The following NAV3 variants were observed in gnomAD, a reference collection of about 807,000 sequenced individuals.
NAV3 encodes the protein neuron navigator 3, also known as pore membrane and/or filament interacting like protein 1.
In NAV3, 87 loss-of-function variants were observed where a neutral mutation model predicts 244.7. The observed-to-expected ratio is 0.36, with a 90% CI of 0.30 to 0.42. The LOEUF is 0.42. Among genes scored for constraint, NAV3 ranks in the 20% least tolerant of loss-of-function variants. The pLI is 1.00. For synonymous variants in NAV3, 1,126 were observed against 1,042.2 expected (o/e 1.08, Z -1.55); for missense variants, 2,663 against 2,893.3 (o/e 0.92, Z 1.83).
chr12:77,934,719 G>T (rs1355022416), intron 1 of NAV3, among the ~76,000 whole-genome samples: 2 of 152,126 alleles, frequency 1.3e-5, no homozygotes. Context: ...CACAATTCCT[G>T]TTATGTCTTA....
intron 2 of NAV3, among the ~76,000 whole-genome samples, chr12:77,740,825 A>G (rs983170073): frequency 1.3e-5 from 2 of 152,128 alleles, no homozygotes; most frequent in Non-Finnish European, 2.9e-5. Context: ...CATTTGTTCT[A>G]CTTGGGTGAT....
At chr12:77,954,710 A>T (rs1260103689) in intron 3 of NAV3, among the ~76,000 whole-genome samples, 1 of 152,200 alleles carries the variant, frequency 6.6e-6, no homozygotes, top group Non-Finnish European at 1.5e-5. Context: ...TAGGATTTTT[A>T]AAACTGCAAA....
intron 22 of NAV3, among the ~76,000 whole-genome samples, chr12:78,155,648 C>T (rs926318292): frequency 6.6e-6 from 1 of 152,066 alleles, no homozygotes; most frequent in African/African-American, 2.4e-5. Context: ...AAAAGCATTC[C>T]TTTTTCTCTG....
intron 8 of NAV3, among the ~76,000 whole-genome samples, chr12:78,014,524 G>C (rs534352170): frequency 7.9e-5 from 12 of 152,034 alleles, no homozygotes; most frequent in African/African-American, 2.9e-4. Flanking sequence ...ATAATATGCT[G>C]TACTTTATAC....
intron 2 of NAV3, among the ~76,000 whole-genome samples, chr12:77,672,107 A>G (rs1365339240): frequency 6.6e-6 from 1 of 152,226 alleles, no homozygotes; most frequent in Non-Finnish European, 1.5e-5. Flanking sequence ...ACATGAATAG[A>G]CAATTCTTAA....
chr12:77,770,243 T>C (rs1346542408), intron 2 of NAV3, among the ~76,000 whole-genome samples: 1 of 152,148 alleles, frequency 6.6e-6, no homozygotes, highest in East Asian at 1.9e-4. Flanking sequence ...GTAGGAGTGA[T>C]GGGTGAAATC....
At chr12:77,814,319 C>T (rs1872438151) in intron 2 of NAV3, among the ~76,000 whole-genome samples, 1 of 152,056 alleles carries the variant, frequency 6.6e-6, no homozygotes, top group Non-Finnish European at 1.5e-5. Flanking sequence ...ACAAATTTCA[C>T]AAGAATCATT....
At chr12:77,636,661 A>G (rs1305576323) in intron 2 of NAV3, among the ~76,000 whole-genome samples, 1 of 152,256 alleles carries the variant, frequency 6.6e-6, no homozygotes, top group East Asian at 1.9e-4. Context: ...TACCCAAAGG[A>G]TTATAAATCA....
chr12:78,165,968 C>CA (rs5799376), intron 23 of NAV3, among the ~76,000 whole-genome samples: 15,418 of 144,212 alleles, frequency 0.11, 1,163 homozygotes, highest in East Asian at 0.23. Context: ...CACCCTCCTG[C>CA]AAAAAAAAAA....
chr12:78,010,229 T>C (rs1356592112), intron 8 of NAV3, among the ~76,000 whole-genome samples: 1 of 152,208 alleles, frequency 6.6e-6, no homozygotes, highest in Admixed American at 6.5e-5. Context: ...AGCTTGTTTA[T>C]AGAGTCATGA....
chr12:77,719,733 AGTGATAATGACCT>A (rs1876525434), intron 2 of NAV3, among the ~76,000 whole-genome samples: 1 of 152,112 alleles, frequency 6.6e-6, no homozygotes. Flanking sequence ...GATATTATTC[AGTGATAATGACCT>A]GTAGTATTCT....
At chr12:78,076,556 G>A (rs535527544) in intron 12 of NAV3, among the ~76,000 whole-genome samples, 4 of 151,864 alleles carry the variant, frequency 2.6e-5, no homozygotes, top group Admixed American at 6.6e-5. Context: ...ATATTATTTC[G>A]AAAGTATTTA....
chr12:78,145,111 C>T lies in NAV3; in HGVS notation c.4684-1258C>T, dbSNP rs948601985. The stretch of plus-strand genomic sequence containing the variant: ...TTCAAAAACCAAACTGTGTATAAAA[C>T]CTTAAAATTATTAGGATCTAAAAAA... On this transcript the variant is annotated intron_variant, in intron 20 of 39. Coordinates refer to ENST00000397909, the MANE Select transcript of NAV3 (RefSeq NM_001024383.2). The T allele has an allele frequency of 1.1e-4, 30 of 271,878 alleles. No homozygotes were observed. The East Asian group carries it at 3.8e-3, about 35-fold the overall frequency. The allele number at this position is 271,878 out of a possible 1,614,324, so 16.8% of individuals were successfully genotyped here.
At chr12:78,161,352 A>G (rs772227408) in intron 23 of NAV3, among the ~76,000 whole-genome samples, 1 of 152,112 alleles carries the variant, frequency 6.6e-6, no homozygotes, top group Non-Finnish European at 1.5e-5. Flanking sequence ...CTGGGCATAT[A>G]CCAAGCATAT....
chr12:77,714,338 A>AT (rs1269460567), intron 2 of NAV3, among the ~76,000 whole-genome samples: 2 of 152,024 alleles, frequency 1.3e-5, no homozygotes, highest in South Asian at 2.1e-4. Flanking sequence ...AGTTCAGGCT[A>AT]TTTTTTTATT....
intron 17 of NAV3, among the ~76,000 whole-genome samples, chr12:78,127,475 C>T (rs1469703162): frequency 2.0e-5 from 3 of 152,034 alleles, no homozygotes; most frequent in Non-Finnish European, 4.4e-5. Flanking sequence ...AACAAACAAA[C>T]AAACAAAACA....
chr12:78,007,129 G>T lies in NAV3; in HGVS notation c.1591G>T (p.Gly531Cys). Residue 531 changes from glycine to cysteine, a missense_variant, in exon 8 of 40, where the codon GGC (glycine) becomes TGC (cysteine). Physicochemically the swap from Gly to Cys is radical, Grantham distance 159. Around this residue, in one of 6 missense-constraint regions of NAV3, gnomAD observed 1,521 missense variants for 1,497.0 expected, o/e 1.02. Transcript: ENST00000397909. The stretch of plus-strand genomic sequence containing the variant: ...GTCTTCCAGTGGTATTCCAAAACCA[G>T]GCTCTAAAGTTCCAACAGTAAAGCA... ...IPSSSGIPKPGSKVPTVKQTI... is the reference protein window; with the variant it reads ...IPSSSGIPKPCSKVPTVKQTI... 1 of 1,614,102 alleles carries T rather than the reference G, an allele frequency of 6.2e-7. No individual in the cohort carries two copies. Among genetic ancestry groups the T allele is most frequent in the Non-Finnish European group, 8.5e-7 (1 of 1,180,036 alleles).
chr12:77,924,352 C>T lies in NAV3; in HGVS notation c.244-15967C>T, dbSNP rs529925910. On this transcript the variant is annotated intron_variant, in intron 1 of 39. Transcript: ENST00000397909. ...TTGGTGATATCTAGTCCATTTTTATCCACCTAAATGCAAGGAGAGGAGAGC... is the reference window on the plus strand; with the variant it reads ...TTGGTGATATCTAGTCCATTTTTATTCACCTAAATGCAAGGAGAGGAGAGC... Among the ~76,000 whole-genome samples, 178 of 152,172 alleles carry T rather than the reference C, an allele frequency of 1.2e-3. 1 individual carries two copies. In the Middle Eastern group the frequency reaches 0.014, roughly 12 times the overall value.
intron 2 of NAV3, among the ~76,000 whole-genome samples, chr12:77,753,021 G>T (rs1044434945): frequency 6.6e-6 from 1 of 152,104 alleles, no homozygotes; most frequent in Non-Finnish European, 1.5e-5. Flanking sequence ...TGACCTGAAG[G>T]TGCTACTAAA....
Sources: gnomAD v4.1 joint callset for allele counts (sites outside exome capture counted in the v4.1 genomes callset) on GRCh38, gnomAD v4.1.1 for gene constraint, gnomAD v4.1.1 regional missense constraint, MANE v1.5 for transcripts, NCBI Gene and HGNC (gene_info 2026-07-23, HGNC 2026-07-21) for gene names.